The following CNIH3 variants were observed in gnomAD, a reference collection of about 807,000 sequenced individuals.
CNIH3 encodes the protein protein cornichon homolog 3.
In CNIH3, 14 loss-of-function variants were observed where a neutral mutation model predicts 24.1. The observed-to-expected ratio is 0.58, with a 90% confidence interval of 0.38 to 0.91. The LOEUF (loss-of-function observed/expected upper bound fraction) is 0.91. Among genes scored for constraint, CNIH3 ranks in the 40% least tolerant of loss-of-function variants. The pLI is 0.00. For synonymous variants in CNIH3, 68 were observed against 73.8 expected (o/e 0.92, Z 0.40); for missense variants, 178 against 196.8 (o/e 0.90, Z 0.57).
chr1:224,701,267 T>C (rs947562673), intron 3 of CNIH3, among the ~76,000 whole-genome samples: 1 of 151,934 alleles, frequency 6.6e-6, no homozygotes, highest in African/African-American at 2.4e-5. Flanking sequence ...GTGGCTATCT[T>C]TGTGCTGCTA....
intron 2 of CNIH3, among the ~76,000 whole-genome samples, chr1:224,535,812 G>A (rs545609310): frequency 1.3e-5 from 2 of 152,314 alleles, no homozygotes; most frequent in Admixed American, 1.3e-4. Flanking sequence ...GCAGGGCAAG[G>A]GCCTATTCCC....
chr1:224,561,020 A>T (rs886294699), intron 3 of CNIH3, among the ~76,000 whole-genome samples: 1 of 152,126 alleles, frequency 6.6e-6, no homozygotes. Flanking sequence ...GGCCATTTGC[A>T]TGGCCTCTTT....
intron 3 of CNIH3, among the ~76,000 whole-genome samples, chr1:224,598,648 A>G (rs1418718436): frequency 6.6e-6 from 1 of 152,184 alleles, no homozygotes; most frequent in Non-Finnish European, 1.5e-5. Flanking sequence ...TTCAGCAACC[A>G]CCACGTTGAT....
intron 5 of CNIH3, among the ~76,000 whole-genome samples, chr1:224,738,730 G>A (rs972773416): frequency 6.6e-5 from 10 of 152,178 alleles, no homozygotes; most frequent in African/African-American, 2.4e-4. Flanking sequence ...TAGTAGTATT[G>A]GGGCAATACT....
At chr1:224,696,003 G>A (rs892660000) in intron 3 of CNIH3, among the ~76,000 whole-genome samples, 5 of 152,154 alleles carry the variant, frequency 3.3e-5, no homozygotes, top group African/African-American at 1.2e-4. Context: ...GCAGGAAAGC[G>A]TATTGGGATA....
At chr1:224,476,306 A>G (rs954491849) in intron 1 of CNIH3, among the ~76,000 whole-genome samples, 5 of 152,208 alleles carry the variant, frequency 3.3e-5, no homozygotes, top group Non-Finnish European at 7.3e-5. Context: ...GTTTGCAGAT[A>G]ATACATCTAA....
At chr1:224,676,217 A>AT (rs1478124898) in intron 1 of CNIH3, among the ~76,000 whole-genome samples, 1 of 152,240 alleles carries the variant, frequency 6.6e-6, no homozygotes, top group African/African-American at 2.4e-5. Flanking sequence ...CACATCGTGT[A>AT]TTTACATATG....
Position 224,450,805 on chromosome 1 carries a change from C to T in CNIH3, n.203+15943C>T, listed in dbSNP as rs1954223. 2.0e-3 allele frequency among the ~76,000 whole-genome samples: 306 copies of T among 152,304 alleles called. 2 individuals are homozygous for T. The highest frequency in any genetic ancestry group is 6.7e-3 in the African/African-American group (280 of 41,566). On this transcript the variant is annotated intron_variant and non_coding_transcript_variant, in intron 1 of 5. Coordinates refer to the CNIH3 transcript ENST00000471578. ...CCTCCACATTTCACTTGGAGCCATGCGGTCTGTGTCAAGATGGCCTGTGTG... is the reference window on the plus strand; with the variant it reads ...CCTCCACATTTCACTTGGAGCCATGTGGTCTGTGTCAAGATGGCCTGTGTG...
At chr1:224,719,947 G>A (rs1216509759) in intron 3 of CNIH3, among the ~76,000 whole-genome samples, 2 of 152,206 alleles carry the variant, frequency 1.3e-5, no homozygotes, top group East Asian at 3.9e-4. Context: ...ATATGCATGT[G>A]CTCGAATTCA....
At chr1:224,669,083 C>T (rs1002880481) in intron 1 of CNIH3, among the ~76,000 whole-genome samples, 6 of 152,188 alleles carry the variant, frequency 3.9e-5, no homozygotes, top group African/African-American at 1.4e-4. Flanking sequence ...CCCTTCTCCT[C>T]TCTGGATTTC....
At position 224,437,308 on chromosome 1, in the gene CNIH3, G is replaced by C. The variant is rs190054729; in HGVS notation, n.203+2446G>C. Among the ~76,000 whole-genome samples the C allele has an allele frequency of 3.6e-3, 547 of 152,290 alleles. 4 individuals are homozygous for C. The highest frequency in any genetic ancestry group is 0.012 in the African/African-American group (513 of 41,554). ...TTGCTTCTGTACTGTTTTAAATAGA[G>C]ACCTGTTAAAAACGGGTCTCTATTT... is the stretch of plus-strand genomic sequence containing the variant. On this transcript the variant is annotated intron_variant and non_coding_transcript_variant, in intron 1 of 5. Coordinates refer to the CNIH3 transcript ENST00000471578.
chr1:224,617,339 G>A (rs1683057792), intron 1 of CNIH3, 84 bp downstream of exon 1: 2 of 1,462,522 alleles, frequency 1.4e-6, no homozygotes, highest in Non-Finnish European at 1.9e-6. Context: ...CCACCTTGCG[G>A]GCGTGGGCGA....
chr1:224,483,475 G>A (rs1158265078), intron 1 of CNIH3, among the ~76,000 whole-genome samples: 6 of 150,930 alleles, frequency 4.0e-5, no homozygotes, highest in South Asian at 4.2e-4. Context: ...CGCAACCTCC[G>A]CCTCCCCAGT....
chr1:224,452,595 C>T (rs960467681), intron 1 of CNIH3, among the ~76,000 whole-genome samples: 3 of 149,910 alleles, frequency 2.0e-5, no homozygotes, highest in Admixed American at 6.6e-5. Flanking sequence ...TCCTGGCTAA[C>T]ACGGTGAAAC....
At chr1:224,508,858 A>G (rs2124888245) in intron 1 of CNIH3, among the ~76,000 whole-genome samples, 1 of 152,370 alleles carries the variant, frequency 6.6e-6, no homozygotes, top group South Asian at 2.1e-4. Context: ...TGTGAGGTAC[A>G]GTATTAGACC....
In CNIH3 at chr1:224,648,756, A is replaced by G. The variant is rs183386163; in HGVS notation, c.81+31501A>G. On this transcript the variant is annotated intron_variant, in intron 1 of 5. Coordinates refer to ENST00000272133, the MANE Select transcript of CNIH3 (RefSeq NM_152495.2). The stretch of plus-strand genomic sequence containing the variant: ...AGGCCTTATGAATATCTTGGTGCAC[A>G]GTGACCCTGCCCATCAGTAAGCAAG... Among the ~76,000 whole-genome samples the G allele has an allele frequency of 2.1e-3, 317 of 152,304 alleles. 1 individual carries two copies. The highest frequency in any genetic ancestry group is 7.1e-3 in the African/African-American group (295 of 41,568).
rs567227931 is a variant in CNIH3, at chr1:224,683,121, C to T, written c.151-1675C>T. Among the ~76,000 whole-genome samples, 3 of 152,182 alleles carry T rather than the reference C, an allele frequency of 2.0e-5. No individual in the cohort carries two copies. In the South Asian group the frequency reaches 6.2e-4, roughly 32 times the overall value. On this transcript the variant is annotated intron_variant, in intron 2 of 5. Transcript: ENST00000272133. Reference sequence around the variant, plus strand: ...TAGTAGGTGCTCCATGGCTATTTGTCGATTAAACAATGGGTGAATATTGAA... The same window carrying T: ...TAGTAGGTGCTCCATGGCTATTTGTTGATTAAACAATGGGTGAATATTGAA...
rs181180699 is a variant in CNIH3, at chr1:224,563,976, A to G, written n.451-2223A>G. Reference sequence around the variant, plus strand: ...GAGGACAGAATCTTAAACAAAATCTATAGGGTGAATATACATTTTTCTAAT... The same window carrying G: ...GAGGACAGAATCTTAAACAAAATCTGTAGGGTGAATATACATTTTTCTAAT... On this transcript the variant is annotated intron_variant and non_coding_transcript_variant, in intron 3 of 5. Coordinates refer to the CNIH3 transcript ENST00000471578. 4.2e-4 allele frequency among the ~76,000 whole-genome samples: 64 copies of G among 152,306 alleles called. No homozygotes were observed. The East Asian group carries it at 0.012, about 29-fold the overall frequency.
At chr1:224,566,479 G>C (rs1218995809) in intron 4 of CNIH3, among the ~76,000 whole-genome samples, 1 of 151,852 alleles carries the variant, frequency 6.6e-6, no homozygotes, top group African/African-American at 2.4e-5. Context: ...CCATCAACCC[G>C]TCATCTACAT....
Sources: gnomAD v4.1 joint callset for allele counts (sites outside exome capture counted in the v4.1 genomes callset) on GRCh38, gnomAD v4.1.1 for gene constraint, MANE v1.5 for transcripts, NCBI Gene and HGNC (gene_info 2026-07-23, HGNC 2026-07-21) for gene names.